The following EPHA2 variants were observed in gnomAD, a reference collection of about 807,000 sequenced individuals.
EPHA2 encodes ephrin type-A receptor 2.
EPHA2 carries 54 observed loss-of-function variants against 104.9 expected under a neutral mutation model. That is an observed-to-expected ratio of 0.51 (90% CI 0.41 to 0.65). The LOEUF (loss-of-function observed/expected upper bound fraction) is 0.65, where lower values mean the gene tolerates loss of function less well. Ranked by LOEUF, EPHA2 falls within the 30% of genes least tolerant of loss-of-function variation. The pLI, the probability that EPHA2 is intolerant of heterozygous loss-of-function variation, is 0.00. For synonymous variants in EPHA2, 560 were observed against 559.1 expected (o/e 1.00, Z -0.02); for missense variants, 1,117 against 1,369.5 (o/e 0.82, Z 2.91).
rs2024747063 is a variant in EPHA2, at chr1:16,137,972, G to C, written c.1193C>G (p.Thr398Arg). Residue 398 changes from threonine (T) to arginine (R), a missense_variant, in exon 5 of 17, where the codon ACA (threonine) becomes AGA (arginine). Transcript: ENST00000358432. ...PPHGLTRTSV[T>R]VSDLEPHMNY... ...CATGTGGGGCTCCAGGTCGCTCACT[G>C]TCACACTGGTGCGGGTCAGTCCGTG... The C allele has an allele frequency of 1.2e-6, 2 of 1,614,164 alleles. No homozygotes were observed. Among genetic ancestry groups the C allele is most frequent in the Non-Finnish European group, 1.7e-6 (2 of 1,180,048 alleles).
chr1:16,141,836 C>T (rs1021235795), intron 3 of EPHA2, among the ~76,000 whole-genome samples: 1 of 152,242 alleles, frequency 6.6e-6, no homozygotes, highest in African/African-American at 2.4e-5. Flanking sequence ...CCAGATAATA[C>T]AGCAGAGAGG....
Position 16,136,543 on chromosome 1 carries a change from C to T in EPHA2, c.1313-773G>A, listed in dbSNP as rs536352832. Among the ~76,000 whole-genome samples, 6 of 149,466 alleles carry T rather than the reference C, an allele frequency of 4.0e-5. No homozygotes were observed. In the South Asian group the frequency reaches 6.3e-4, roughly 16 times the overall value. ...CTGAGGCAGGAGAATCACTTGAATC[C>T]GGGATGCAGAGGTTGCGGTGAGCCA... On this transcript the variant is annotated intron_variant, in intron 5 of 16. Coordinates refer to ENST00000358432, the MANE Select transcript of EPHA2 (RefSeq NM_004431.5).
rs1557520665 is a variant in EPHA2 at position 16,155,935 on chromosome 1, CG to C, written c.-4del. The C allele has an allele frequency of 6.7e-7, 1 of 1,489,604 alleles. No homozygotes were observed. The highest frequency in any genetic ancestry group is 8.9e-7 in the Non-Finnish European group (1 of 1,127,446). The allele number at this position is 1,489,604 out of a possible 1,614,324, so 92.3% of individuals were successfully genotyped here. A position where few individuals can be genotyped will look rare whatever the true frequency, so the allele number is the denominator to read the frequency against. The stretch of plus-strand genomic sequence containing the variant: ...GCGCGGGCTGCCTGGAGCTCCATGC[CG>C]CGCTTCTCGCTCTCGGTCCGATCCC... On this transcript the variant is annotated 5_prime_UTR_variant, in exon 1 of 17. Transcript: ENST00000358432.
chr1:16,133,835 G>C (rs2024628564), intron 9 of EPHA2, 25 bp downstream of exon 9: 3 of 1,538,692 alleles, frequency 1.9e-6, no homozygotes, highest in Non-Finnish European at 2.6e-6. Context: ...GCAGGGCTGG[G>C]CCTGGAGCGG....
chr1:16,151,648 G>T (rs1480091826), intron 1 of EPHA2, among the ~76,000 whole-genome samples: 3 of 152,136 alleles, frequency 2.0e-5, no homozygotes, highest in African/African-American at 7.2e-5. Context: ...GACCCATAGG[G>T]CCCCTAAGAG....
chr1:16,137,254 G>A (rs1464864196), intron 5 of EPHA2, among the ~76,000 whole-genome samples: 1 of 151,422 alleles, frequency 6.6e-6, no homozygotes, highest in Non-Finnish European at 1.5e-5. Context: ...AATGGTCTTG[G>A]GCCACAAATA....
In EPHA2 at chr1:16,135,268, C is replaced by CAAGCT; in HGVS notation, c.1429-84_1429-80dup. 2 of 1,584,780 alleles carry CAAGCT rather than the reference C, an allele frequency of 1.3e-6. No individual in the cohort carries two copies. Among genetic ancestry groups the CAAGCT allele is most frequent in the Admixed American group, 3.4e-5 (2 of 59,366 alleles). Reference sequence around the variant, plus strand: ...CGGCTCAGCCCGCTGGAGACCACCCCAAGCTAGCAAGGTGGCTTGCCTTTG... The same window carrying CAAGCT: ...CGGCTCAGCCCGCTGGAGACCACCCCAAGCTAAGCTAGCAAGGTGGCTTGCCTTTG... On this transcript the variant is annotated intron_variant, in intron 6 of 16. Transcript: ENST00000358432. The surrounding 1 kb of genome is among the most constrained non-coding windows in gnomAD (Gnocchi z 4.3).
At chr1:16,143,766 C>G (rs964096879) in intron 3 of EPHA2, among the ~76,000 whole-genome samples, 1 of 152,158 alleles carries the variant, frequency 6.6e-6, no homozygotes, top group African/African-American at 2.4e-5. Flanking sequence ...ACCGCAGGAA[C>G]CACCTTGGCC....
At position 16,138,355 on chromosome 1, in the gene EPHA2, G is replaced by C; in HGVS notation, c.899C>G (p.Ser300Cys). Residue 300 changes from serine to cysteine, a missense_variant, in exon 4 of 17, where the codon TCC becomes TGC. Around this residue, in one of 3 missense-constraint regions of EPHA2, gnomAD observed 664 missense variants for 784.8 expected, o/e 0.85. Transcript: ENST00000358432. ...CLECPEHTLPSPEGATSCECE... is the reference protein window; with the variant it reads ...CLECPEHTLPCPEGATSCECE... ...CTCGCAGGAGGTGGCACCCTCAGGGGATGGCAGCGTGTGCTCAGGGCACTC... is the reference window on the plus strand; with the variant it reads ...CTCGCAGGAGGTGGCACCCTCAGGGCATGGCAGCGTGTGCTCAGGGCACTC... 1 of 1,613,794 alleles carries C rather than the reference G, an allele frequency of 6.2e-7. No individual in the cohort carries two copies. Among genetic ancestry groups the C allele is most frequent in the East Asian group, 2.2e-5 (1 of 44,892 alleles).
chr1:16,138,595 C>A (rs535542113), intron 3 of EPHA2, among the ~76,000 whole-genome samples, 165 bp from the exon 4 acceptor site: 1 of 152,316 alleles, frequency 6.6e-6, no homozygotes, highest in South Asian at 2.1e-4. Flanking sequence ...TGGAAAAATG[C>A]ATGGCAAGGG....
Position 16,155,970 on chromosome 1 carries a change from C to T in EPHA2, c.-38G>A. Reference sequence around the variant, plus strand: ...GCTCTCGGTCCGATCCCCCCGAGCCCGGCTCCCGCACACCCGCACGCCTGC... The same window carrying T: ...GCTCTCGGTCCGATCCCCCCGAGCCTGGCTCCCGCACACCCGCACGCCTGC... On this transcript the variant is annotated 5_prime_UTR_variant, in exon 1 of 17. Coordinates refer to ENST00000358432, the MANE Select transcript of EPHA2 (RefSeq NM_004431.5). 1.4e-6 allele frequency: 2 copies of T among 1,464,578 alleles called. No homozygotes were observed. Among genetic ancestry groups the T allele is most frequent in the Non-Finnish European group, 1.8e-6 (2 of 1,112,744 alleles). The allele number at this position is 1,464,578 out of a possible 1,614,324, so 90.7% of individuals were successfully genotyped here.
Position 16,156,013 on chromosome 1 carries a change from C to G in EPHA2, c.-81G>C, listed in dbSNP as rs748513356. ...ACGCCTGCACGCCGGCCTCGGTGTC[C>G]GCTCCCGCCCGCCGGCCTGCGCGCA... On this transcript the variant is annotated 5_prime_UTR_variant, in exon 1 of 17. Transcript: ENST00000358432. The G allele has an allele frequency of 5.7e-6, 7 of 1,227,826 alleles. No individual in the cohort carries two copies. The highest frequency in any genetic ancestry group is 6.4e-6 in the Non-Finnish European group (6 of 934,108). The allele number at this position is 1,227,826 out of a possible 1,614,324, so 76.1% of individuals were successfully genotyped here.
chr1:16,151,424 T>G (rs1301270932), intron 1 of EPHA2, among the ~76,000 whole-genome samples: 1 of 152,182 alleles, frequency 6.6e-6, no homozygotes, highest in African/African-American at 2.4e-5. Context: ...GGTGTCTGCT[T>G]CTGCCACATT....
At position 16,132,276 on chromosome 1, in the gene EPHA2, G is replaced by T; in HGVS notation, c.2116-3C>A. On this transcript the variant is annotated splice_region_variant and splice_polypyrimidine_tract_variant and intron_variant, in intron 12 of 16. Transcript: ENST00000358432. ...ACGCTGAACTCGCCATCCTTCTCCT[G>T]CCGGAGCACAGGCGCTCAGCTGCAG... The T allele has an allele frequency of 6.2e-7, 1 of 1,614,034 alleles. No homozygotes were observed.
rs2024503439 is a variant in EPHA2 at position 16,128,148 on chromosome 1, G to A, written c.2825+1286C>T. ...TTAGCACCCACTGTATACCAGTCGTGTCATCTGCGCTGCACCCATGCAATC... is the reference window on the plus strand; with the variant it reads ...TTAGCACCCACTGTATACCAGTCGTATCATCTGCGCTGCACCCATGCAATC... On this transcript the variant is annotated intron_variant, in intron 16 of 16. Transcript: ENST00000358432. The surrounding 1 kb of genome is among the most constrained non-coding windows in gnomAD (Gnocchi z 4.7). 6.6e-6 allele frequency among the ~76,000 whole-genome samples: 1 copy of A among 152,196 alleles called. No homozygotes were observed. Among genetic ancestry groups the A allele is most frequent in the Admixed American group, 6.5e-5 (1 of 15,282 alleles).
At position 16,129,562 on chromosome 1, in the gene EPHA2, G is replaced by A. The variant is rs749180343; in HGVS notation, c.2697C>T (p.Ser899=). 2.5e-5 allele frequency: 40 copies of A among 1,612,344 alleles called. No homozygotes were observed. The highest frequency in any genetic ancestry group is 3.0e-5 in the Non-Finnish European group (35 of 1,179,922). ...TGCGGAAGGGCACCCCCTCCGAGCCGCTCGTGCTGGGGAGCCGGATAGACA... is the reference window on the plus strand; with the variant it reads ...TGCGGAAGGGCACCCCCTCCGAGCCACTCGTGCTGGGGAGCCGGATAGACA... ...PRVSIRLPST[S]GSEGVPFRTV... Residue 899 remains serine, a synonymous_variant, in exon 16 of 17, where the codon AGC becomes AGT. Coordinates refer to ENST00000358432, the MANE Select transcript of EPHA2 (RefSeq NM_004431.5).
chr1:16,129,397 C>T (rs779106803), intron 16 of EPHA2, 37 bp downstream of exon 16: 17 of 1,575,936 alleles, frequency 1.1e-5, no homozygotes, highest in Middle Eastern at 1.7e-4. Context: ...GAGTGGGAGG[C>T]GGGAGGCGAG....
intron 11 of EPHA2, 28 bp downstream of exon 11, chr1:16,133,151 AC>A: frequency 6.2e-7 from 1 of 1,611,856 alleles, no homozygotes. Flanking sequence ...GCCCCTCTCC[AC>A]CCAGTGTGGG....
intron 3 of EPHA2, among the ~76,000 whole-genome samples, chr1:16,139,211 C>G (rs2024777959): frequency 6.6e-6 from 1 of 152,188 alleles, no homozygotes; most frequent in Admixed American, 6.5e-5. Flanking sequence ...CTGTCTCATC[C>G]CGCCCCTGCC....
Sources: gnomAD v4.1 joint callset for allele counts (sites outside exome capture counted in the v4.1 genomes callset) on GRCh38, gnomAD v4.1.1 for gene constraint, gnomAD v4.1.1 regional missense constraint, Gnocchi (gnomAD v3.1) non-coding constraint, MANE v1.5 for transcripts, NCBI Gene and HGNC (gene_info 2026-07-23, HGNC 2026-07-21) for gene names.